Variants in B3GALT1 observed in about 807,000 individuals in gnomAD.
B3GALT1 encodes UDP-Gal:betaGlcNAc beta 1,3-galactosyltransferase, polypeptide 1.
In B3GALT1, 10 loss-of-function variants were observed where a neutral mutation model predicts 23.2. The ratio of observed to expected loss-of-function variants is 0.43; its 90% confidence interval spans 0.27 to 0.73. The LOEUF (loss-of-function observed/expected upper bound fraction) is 0.73. Among genes scored for constraint, B3GALT1 ranks in the 30% least tolerant of loss-of-function variants. The pLI, the probability that B3GALT1 is intolerant of heterozygous loss-of-function variation, is 0.21. For synonymous variants in B3GALT1, 156 were observed against 141.5 expected (o/e 1.10, Z -0.73); for missense variants, 299 against 405.4 (o/e 0.74, Z 2.25).
chr2:167,480,644 G>T (rs186520145), intron 1 of B3GALT1, among the ~76,000 whole-genome samples: 7 of 152,314 alleles, frequency 4.6e-5, no homozygotes, highest in South Asian at 2.1e-4. Context: ...GTGGGGCGGG[G>T]ACTATCTTAG....
In B3GALT1 at chr2:167,852,820, C is replaced by T. The variant is rs759461996; in HGVS notation, c.-229-15991C>T. On this transcript the variant is annotated intron_variant, in intron 4 of 4. Transcript: ENST00000392690. ...TCTTGTTGAAGCTAATACTGGATGA[C>T]GAATTACTGTTTATGGCTATCTGGA... Among the ~76,000 whole-genome samples the T allele has an allele frequency of 3.9e-5, 6 of 152,058 alleles. No individual in the cohort carries two copies. In the East Asian group the frequency reaches 5.8e-4, roughly 15 times the overall value.
chr2:167,424,713 A>C (rs1698599809), intron 1 of B3GALT1, among the ~76,000 whole-genome samples: 1 of 152,180 alleles, frequency 6.6e-6, no homozygotes, highest in Non-Finnish European at 1.5e-5. Context: ...ATAACTGACA[A>C]TGAGAATGTA....
At chr2:167,357,712 T>C (rs180931430) in intron 1 of B3GALT1, among the ~76,000 whole-genome samples, 8 of 152,342 alleles carry the variant, frequency 5.3e-5, no homozygotes, top group Admixed American at 2.0e-4. Context: ...CTTTAATTTA[T>C]TGAAGTTGCT....
intron 3 of B3GALT1, among the ~76,000 whole-genome samples, chr2:167,739,976 G>A (rs1252541492): frequency 6.6e-6 from 1 of 150,916 alleles, no homozygotes; most frequent in Non-Finnish European, 1.5e-5. Flanking sequence ...GTGCATGCCT[G>A]TAGACTCAGC....
chr2:167,317,491 G>A (rs941306034), intron 1 of B3GALT1, among the ~76,000 whole-genome samples: 3 of 152,152 alleles, frequency 2.0e-5, no homozygotes, highest in South Asian at 2.1e-4. Flanking sequence ...ATACCAAGGC[G>A]GTCTGGTGAG....
At chr2:167,480,581 A>T (rs1699550038) in intron 1 of B3GALT1, among the ~76,000 whole-genome samples, 2 of 141,934 alleles carry the variant, frequency 1.4e-5, no homozygotes, top group South Asian at 4.8e-4. Flanking sequence ...GGTGTTGAGA[A>T]CTTGTGAGTG....
intron 2 of B3GALT1, among the ~76,000 whole-genome samples, chr2:167,605,378 G>C (rs936658173): frequency 2.0e-5 from 3 of 152,280 alleles, no homozygotes; most frequent in African/African-American, 7.2e-5. Flanking sequence ...CATGGTGTTG[G>C]CTAAGTCTGT....
chr2:167,676,201 C>G (rs1434739688), intron 3 of B3GALT1, among the ~76,000 whole-genome samples: 2 of 152,088 alleles, frequency 1.3e-5, no homozygotes, highest in Non-Finnish European at 2.9e-5. Flanking sequence ...CAACACTCCC[C>G]TCTCTTTTTA....
intron 1 of B3GALT1, among the ~76,000 whole-genome samples, chr2:167,300,579 C>T (rs1696429573): frequency 6.6e-6 from 1 of 152,114 alleles, no homozygotes; most frequent in Non-Finnish European, 1.5e-5. Flanking sequence ...TGCAGACAAA[C>T]ATGCAGAAGA....
intron 2 of B3GALT1, among the ~76,000 whole-genome samples, chr2:167,523,491 T>C (rs572574731): frequency 7.8e-4 from 118 of 151,580 alleles, no homozygotes; most frequent in Middle Eastern, 3.4e-3. Context: ...AGTGGCACAA[T>C]GTCAGCTTAC....
At chr2:167,609,415 T>C (rs1354601764) in intron 2 of B3GALT1, among the ~76,000 whole-genome samples, 1 of 152,110 alleles carries the variant, frequency 6.6e-6, no homozygotes, top group African/African-American at 2.4e-5. Flanking sequence ...ATTTAGGCAA[T>C]AAGGAAACAG....
chr2:167,577,500 A>T (rs1304310848), intron 2 of B3GALT1, among the ~76,000 whole-genome samples: 1 of 151,840 alleles, frequency 6.6e-6, no homozygotes, highest in African/African-American at 2.4e-5. Context: ...TAGCAGAATG[A>T]TATATGTTTA....
intron 3 of B3GALT1, among the ~76,000 whole-genome samples, chr2:167,655,263 CAT>C (rs1685938563): frequency 6.6e-6 from 1 of 152,092 alleles, no homozygotes; most frequent in Admixed American, 6.6e-5. Flanking sequence ...ACTTAAATAA[CAT>C]ACAACTCTAG....
At chr2:167,442,560 T>A (rs1044834691) in intron 1 of B3GALT1, among the ~76,000 whole-genome samples, 1 of 151,800 alleles carries the variant, frequency 6.6e-6, no homozygotes, top group African/African-American at 2.4e-5. Flanking sequence ...GACTTTTGAA[T>A]GATTGCCATT....
intron 2 of B3GALT1, among the ~76,000 whole-genome samples, chr2:167,584,956 G>T (rs892999801): frequency 3.3e-5 from 5 of 152,090 alleles, no homozygotes; most frequent in African/African-American, 1.2e-4. Flanking sequence ...CACTGTTGGT[G>T]ATCAGCTTAA....
At chr2:167,447,511 C>A (rs2105317700) in intron 1 of B3GALT1, among the ~76,000 whole-genome samples, 1 of 152,304 alleles carries the variant, frequency 6.6e-6, no homozygotes, top group Admixed American at 6.5e-5. Context: ...GGGCTCCACC[C>A]AGTTCGAGCT....
At chr2:167,337,655 C>T (rs1395347116) in intron 1 of B3GALT1, among the ~76,000 whole-genome samples, 2 of 150,860 alleles carry the variant, frequency 1.3e-5, no homozygotes, top group East Asian at 1.9e-4. Context: ...TTTCTTTTTT[C>T]TAGAGACAGT....
At chr2:167,547,571 G>GTAATCCCA (rs1471016318) in intron 2 of B3GALT1, among the ~76,000 whole-genome samples, 8 of 151,862 alleles carry the variant, frequency 5.3e-5, no homozygotes, top group African/African-American at 1.7e-4. Context: ...GCAGGTGCCT[G>GTAATCCCA]TAATCCCAGC....
intron 3 of B3GALT1, among the ~76,000 whole-genome samples, chr2:167,788,611 A>G (rs966906713): frequency 6.6e-6 from 1 of 151,998 alleles, no homozygotes; most frequent in South Asian, 2.1e-4. Context: ...AATGCGAGCG[A>G]TGAGGAGCAG....
Sources: allele counts gnomAD v4.1 joint callset (sites outside exome capture counted in the v4.1 genomes callset), GRCh38; gene constraint gnomAD v4.1.1; transcripts MANE v1.5; gene names NCBI Gene and HGNC (gene_info 2026-07-23, HGNC 2026-07-21).